The following PHACTR1 variants were observed in gnomAD, a reference collection of about 807,000 sequenced individuals.
PHACTR1 encodes the protein phosphatase and actin regulator 1.
A neutral mutation model predicts 69.2 loss-of-function variants in PHACTR1; 16 were observed. The ratio of observed to expected loss-of-function variants is 0.23; its 90% CI spans 0.16 to 0.35. PHACTR1 has a LOEUF of 0.35. Among genes scored for constraint, PHACTR1 ranks in the 10% least tolerant of loss-of-function variants. The pLI, the probability that PHACTR1 is intolerant of heterozygous loss-of-function variation, is 1.00. For missense variants in PHACTR1, 510 were observed against 734.7 expected (o/e 0.69, Z 3.54); for synonymous variants, 312 against 284.5 (o/e 1.10, Z -0.97).
chr6:13,086,219 A>G (rs1277886298), intron 5 of PHACTR1, among the ~76,000 whole-genome samples: 2 of 152,028 alleles, frequency 1.3e-5, no homozygotes, highest in East Asian at 1.9e-4. Flanking sequence ...AAGAGTTTCT[A>G]TAACATAATA....
At chr6:12,874,447 A>G (rs1466150284) in intron 4 of PHACTR1, among the ~76,000 whole-genome samples, 1 of 152,210 alleles carries the variant, frequency 6.6e-6, no homozygotes, top group Non-Finnish European at 1.5e-5. Flanking sequence ...CTGTATAAAT[A>G]CCAAATGGCT....
intron 4 of PHACTR1, among the ~76,000 whole-genome samples, chr6:12,938,382 A>G (rs9369666): frequency 0.18 from 26,630 of 151,900 alleles, 5,385 homozygotes; most frequent in African/African-American, 0.5. Flanking sequence ...CCACCTCTCT[A>G]TGTTAGGCTA....
chr6:13,222,531 G>T (rs141483156), intron 8 of PHACTR1, among the ~76,000 whole-genome samples: 2 of 152,188 alleles, frequency 1.3e-5, no homozygotes, highest in African/African-American at 4.8e-5. Context: ...AGAGGATCTG[G>T]ACAGTTCTTC....
At chr6:12,867,915 A>G (rs1781621301) in intron 4 of PHACTR1, among the ~76,000 whole-genome samples, 1 of 152,112 alleles carries the variant, frequency 6.6e-6, no homozygotes, top group Non-Finnish European at 1.5e-5. Context: ...TTAGACTAAC[A>G]TTGCCACAGT....
intron 4 of PHACTR1, among the ~76,000 whole-genome samples, chr6:13,004,779 C>T (rs1053645869): frequency 2.6e-5 from 4 of 152,122 alleles, no homozygotes; most frequent in African/African-American, 7.2e-5. Context: ...GTCTGGCCTG[C>T]GTTCACTTCA....
intron 4 of PHACTR1, among the ~76,000 whole-genome samples, chr6:12,849,187 C>T (rs1040794621): frequency 1.4e-4 from 21 of 152,102 alleles, no homozygotes; most frequent in African/African-American, 4.6e-4. Context: ...TCCCTAGGAG[C>T]GTGTGAAAGA....
intron 5 of PHACTR1, among the ~76,000 whole-genome samples, chr6:13,130,761 T>G (rs1820282469): frequency 6.6e-6 from 1 of 152,170 alleles, no homozygotes. Context: ...TTACTGAAAC[T>G]ATTCCAAAAG....
chr6:13,200,575 G>C (rs1274147126), intron 7 of PHACTR1, among the ~76,000 whole-genome samples: 2 of 152,166 alleles, frequency 1.3e-5, no homozygotes, highest in Non-Finnish European at 2.9e-5. Context: ...CTAAGAAATA[G>C]TGCCCTTTTG....
chr6:12,812,943 G>A (rs1775188182), intron 4 of PHACTR1, among the ~76,000 whole-genome samples: 1 of 152,194 alleles, frequency 6.6e-6, no homozygotes, highest in Non-Finnish European at 1.5e-5. Context: ...AGGAGAGGGA[G>A]TACCTTGAAT....
intron 5 of PHACTR1, among the ~76,000 whole-genome samples, chr6:13,103,904 C>A (rs551373689): frequency 1.3e-5 from 2 of 152,022 alleles, no homozygotes; most frequent in Admixed American, 1.3e-4. Flanking sequence ...GCCAACATGG[C>A]GAAACCCCAT....
Position 13,033,609 on chromosome 6 carries a change from G to A in PHACTR1, c.251-19756G>A, listed in dbSNP as rs147477419. Reference sequence around the variant, plus strand: ...TTATTTCAAGCCGTTTATCCTAGCTGGTCAGCCTGAGAACCAGAAAGGAAA... The same window carrying A: ...TTATTTCAAGCCGTTTATCCTAGCTAGTCAGCCTGAGAACCAGAAAGGAAA... On this transcript the variant is annotated intron_variant, in intron 4 of 14. Transcript: ENST00000332995. Among the ~76,000 whole-genome samples, 244 of 152,262 alleles carry A rather than the reference G, an allele frequency of 1.6e-3. 1 individual carries two copies. Among genetic ancestry groups the A allele is most frequent in the African/African-American group, 5.8e-3 (239 of 41,534 alleles).
intron 5 of PHACTR1, among the ~76,000 whole-genome samples, chr6:13,103,856 G>T (rs1048086867): frequency 1.3e-5 from 2 of 152,196 alleles, no homozygotes; most frequent in African/African-American, 4.8e-5. Context: ...GGCCAGGGTG[G>T]GCAGATCACT....
At chr6:12,853,440 G>C (rs573666283) in intron 4 of PHACTR1, among the ~76,000 whole-genome samples, 1 of 152,298 alleles carries the variant, frequency 6.6e-6, no homozygotes, top group South Asian at 2.1e-4. Flanking sequence ...TTTTTTAAAT[G>C]CTAAGTAGAG....
intron 4 of PHACTR1, among the ~76,000 whole-genome samples, chr6:13,045,254 C>T (rs35273948): frequency 0.16 from 24,983 of 152,108 alleles, 2,555 homozygotes; most frequent in South Asian, 0.26. Context: ...ATATAGCCCT[C>T]GCTCACAAGT....
At chr6:13,196,933 A>G (rs1468953508) in intron 7 of PHACTR1, among the ~76,000 whole-genome samples, 1 of 152,166 alleles carries the variant, frequency 6.6e-6, no homozygotes, top group Non-Finnish European at 1.5e-5. Context: ...TAGTACCACC[A>G]CATATTAAAC....
intron 4 of PHACTR1, among the ~76,000 whole-genome samples, chr6:12,857,931 A>G (rs1369880382): frequency 6.6e-6 from 1 of 152,230 alleles, no homozygotes; most frequent in African/African-American, 2.4e-5. Flanking sequence ...CAGTCATCTT[A>G]GTGAGGTCAT....
chr6:13,083,420 C>A (rs1159864981), intron 5 of PHACTR1, among the ~76,000 whole-genome samples: 1 of 152,032 alleles, frequency 6.6e-6, no homozygotes. Flanking sequence ...ATTGACTTGG[C>A]AATGCGGGCT....
At chr6:13,101,631 C>G (rs547277622) in intron 5 of PHACTR1, among the ~76,000 whole-genome samples, 1 of 152,178 alleles carries the variant, frequency 6.6e-6, no homozygotes, top group African/African-American at 2.4e-5. Context: ...GTGGTCAGAA[C>G]GTGGTGGATA....
intron 4 of PHACTR1, among the ~76,000 whole-genome samples, chr6:12,864,122 A>G (rs1781209451): frequency 6.6e-6 from 1 of 152,182 alleles, no homozygotes; most frequent in Admixed American, 6.5e-5. Context: ...GATTTATTGG[A>G]CTGTCTTACT....
Sources: gnomAD v4.1 joint callset for allele counts (sites outside exome capture counted in the v4.1 genomes callset) on GRCh38, gnomAD v4.1.1 for gene constraint, MANE v1.5 for transcripts, NCBI Gene and HGNC (gene_info 2026-07-23, HGNC 2026-07-21) for gene names.